PCDH15: variants seen among roughly 807,000 people sequenced by gnomAD.
PCDH15 encodes the protein protocadherin related 15.
PCDH15 carries 129 observed loss-of-function variants against 178.5 expected under a neutral mutation model. The ratio of observed to expected loss-of-function variants is 0.72; its 90% CI spans 0.63 to 0.84. The LOEUF (loss-of-function observed/expected upper bound fraction) is 0.84. Among genes scored for constraint, PCDH15 ranks in the 40% least tolerant of loss-of-function variants. PCDH15 has a pLI of 0.00. For missense variants in PCDH15, 2,230 were observed against 2,099.9 expected (o/e 1.06, Z -1.21); for synonymous variants, 800 against 732.0 (o/e 1.09, Z -1.50).
At chr10:54,831,188 A>T (rs1953220737) in intron 3 of PCDH15, among the ~76,000 whole-genome samples, 1 of 152,088 alleles carries the variant, frequency 6.6e-6, no homozygotes, top group African/African-American at 2.4e-5. Context: ...CATGTAAGAT[A>T]ATTTTTTTAT....
At position 55,440,317 on chromosome 10, in the gene PCDH15, G is replaced by A. The variant is rs963361832; in HGVS notation, c.-156+187308C>T. Among the ~76,000 whole-genome samples the A allele has an allele frequency of 8.5e-5, 13 of 152,244 alleles. 1 individual carries two copies. In the South Asian group the frequency reaches 2.7e-3, roughly 32 times the overall value. ...GAGAACAGAAATGCACTAGTTATAT[G>A]CAACCTTGACACATTTCTCTTAGTG... On this transcript the variant is annotated intron_variant, in intron 2 of 5. Coordinates refer to the PCDH15 transcript ENST00000613346.
At chr10:54,599,697 T>C (rs1035922479) in intron 2 of PCDH15, 6 of 444,750 alleles carry the variant, frequency 1.3e-5, no homozygotes, top group Non-Finnish European at 2.1e-5. Flanking sequence ...TGAAAGCAAC[T>C]GCACCTGAAG....
At chr10:54,576,120 T>G (rs1391173707) in intron 2 of PCDH15, among the ~76,000 whole-genome samples, 1 of 102,520 alleles carries the variant, frequency 9.8e-6, no homozygotes, top group African/African-American at 3.5e-5. Flanking sequence ...TTTATCTATG[T>G]ATGTACGTAT....
chr10:55,577,037 T>G, intron 2 of PCDH15, among the ~76,000 whole-genome samples: 1 of 150,798 alleles, frequency 6.6e-6, no homozygotes. Flanking sequence ...AGGTCAGGAG[T>G]TTGAGACCAG....
intron 8 of PCDH15, among the ~76,000 whole-genome samples, chr10:54,272,037 TTATATA>T (rs35119108): frequency 6.9e-6 from 1 of 145,836 alleles, no homozygotes; most frequent in Non-Finnish European, 1.5e-5. Context: ...ATATAATATA[TTATATA>T]TATATATAAA....
chr10:55,591,765 T>C (rs1842846359), intron 2 of PCDH15, among the ~76,000 whole-genome samples: 2 of 152,102 alleles, frequency 1.3e-5, no homozygotes, highest in Admixed American at 1.3e-4. Flanking sequence ...TCCTTTTCCA[T>C]TGTAAACAGT....
chr10:54,009,485 T>A (rs1396582801), intron 20 of PCDH15, among the ~76,000 whole-genome samples: 1 of 151,964 alleles, frequency 6.6e-6, no homozygotes, highest in Non-Finnish European at 1.5e-5. Flanking sequence ...CCAGGTCAAG[T>A]GTAAAAAAAG....
intron 2 of PCDH15, among the ~76,000 whole-genome samples, chr10:54,992,157 T>C (rs1839518239): frequency 6.6e-6 from 1 of 152,186 alleles, no homozygotes; most frequent in African/African-American, 2.4e-5. Flanking sequence ...TATTATTAAA[T>C]ATTTTACCAA....
chr10:54,465,233 C>A (rs947481752), intron 3 of PCDH15, among the ~76,000 whole-genome samples: 3 of 151,994 alleles, frequency 2.0e-5, no homozygotes, highest in African/African-American at 7.2e-5. Flanking sequence ...CCCTAGAATA[C>A]TTTTCATCTC....
intron 37 of PCDH15, chr10:53,808,433 T>C: frequency 8.3e-7 from 1 of 1,206,008 alleles, no homozygotes; most frequent in Non-Finnish European, 1.0e-6. Context: ...CCAGTAAATA[T>C]TAAATATTGA....
At chr10:54,584,890 A>C (rs2091338712) in intron 2 of PCDH15, among the ~76,000 whole-genome samples, 1 of 152,166 alleles carries the variant, frequency 6.6e-6, no homozygotes, top group African/African-American at 2.4e-5. Context: ...ATTTTCAATT[A>C]ATAAAACAAA....
chr10:54,800,355 A>G (rs945100372), intron 1 of PCDH15, among the ~76,000 whole-genome samples: 4 of 152,198 alleles, frequency 2.6e-5, no homozygotes, highest in Admixed American at 2.6e-4. Context: ...ATGCTTCCAG[A>G]TACGCACAAA....
At chr10:53,807,168 A>ATAAAT (rs1276515629) in intron 37 of PCDH15, 38 bp from the exon 38 acceptor site, 7 of 1,483,770 alleles carry the variant, frequency 4.7e-6, no homozygotes, top group East Asian at 2.3e-5. Flanking sequence ...TCACTATCAA[A>ATAAAT]TAAATTAAAA....
At chr10:54,183,628 T>C in intron 12 of PCDH15, 35 bp from the exon 13 acceptor site, 1 of 1,610,588 alleles carries the variant, frequency 6.2e-7, no homozygotes, top group Non-Finnish European at 8.5e-7. Flanking sequence ...AGTAGAGATG[T>C]TCTGCAAATA....
Position 54,834,941 on chromosome 10 carries a change from A to T in PCDH15, c.-29+62509T>A, listed in dbSNP as rs148406726. On this transcript the variant is annotated intron_variant, in intron 3 of 5. Coordinates refer to the PCDH15 transcript ENST00000458638. ...CCCATTGTATTTTTAACTTTTAAAA[A>T]ATCTGCTGAGGATCTCTATTTCATG... Among the ~76,000 whole-genome samples, 29 of 152,302 alleles carry T rather than the reference A, an allele frequency of 1.9e-4. No individual in the cohort carries two copies. In the East Asian group the frequency reaches 2.3e-3, roughly 12 times the overall value.
chr10:54,421,860 TATACACACACTATATATATATATAC>T (rs1565231297), intron 3 of PCDH15, among the ~76,000 whole-genome samples: 10 of 89,588 alleles, frequency 1.1e-4, no homozygotes, highest in African/African-American at 4.3e-4. Flanking sequence ...TATATATATA[TATACACACACTATATATATATATAC>T]ACACACACAC....
rs554401907 is a variant in PCDH15, at chr10:53,968,764, C to A, written c.2869-6872G>T. The stretch of plus-strand genomic sequence containing the variant: ...ACGGTCTGGAGTGGACCTCCAGCAA[C>A]TCCAACAGTCCAGCAGCTGACGGTC... On this transcript the variant is annotated intron_variant, in intron 21 of 37. Transcript: ENST00000644397. 3.3e-5 allele frequency among the ~76,000 whole-genome samples: 5 copies of A among 152,294 alleles called. No homozygotes were observed. In the South Asian group the frequency reaches 1.0e-3, roughly 32 times the overall value.
chr10:54,800,359 G>C lies in PCDH15; in HGVS notation c.-29+566C>G, dbSNP rs139479635. On this transcript the variant is annotated intron_variant, in intron 1 of 37. Transcript: ENST00000644397. ...CTAAATGGTTAATGCTTCCAGATAC[G>C]CACAAAGGAAGTAAATATTCTAATA... Among the ~76,000 whole-genome samples, 226 of 152,220 alleles carry C rather than the reference G, an allele frequency of 1.5e-3. 3 individuals are homozygous for C. The highest frequency in any genetic ancestry group is 5.1e-3 in the African/African-American group (210 of 41,536).
At chr10:54,103,640 C>T (rs1224804297) in intron 15 of PCDH15, among the ~76,000 whole-genome samples, 1 of 152,196 alleles carries the variant, frequency 6.6e-6, no homozygotes, top group South Asian at 2.1e-4. Context: ...CTCCCTAAGC[C>T]TTTAGATCCC....
Sources: gnomAD v4.1 joint callset for allele counts (sites outside exome capture counted in the v4.1 genomes callset) on GRCh38, gnomAD v4.1.1 for gene constraint, MANE v1.5 for transcripts, NCBI Gene and HGNC (gene_info 2026-07-23, HGNC 2026-07-21) for gene names.